The following NKX6-2 variants were observed in gnomAD, a reference collection of about 807,000 sequenced individuals.
NKX6-2 encodes the protein NK6 homeobox 2, also known as homeobox protein Nkx-6.2.
A neutral mutation model predicts 19.9 loss-of-function variants in NKX6-2; 22 were observed. The observed-to-expected ratio is 1.10, with a 90% CI of 0.79 to 1.58. The LOEUF (loss-of-function observed/expected upper bound fraction) is 1.58. Among genes scored for constraint, NKX6-2 ranks in the 40% most tolerant of loss-of-function variants. The pLI is 0.00. For synonymous variants in NKX6-2, 257 were observed against 204.0 expected (o/e 1.26, Z -2.21); for missense variants, 475 against 410.6 (o/e 1.16, Z -1.35).
chr10:132,785,411 G>GCTT lies in NKX6-2; in HGVS notation c.445_447dup (p.Lys149dup), dbSNP rs371783510. ...TGGCCCGAGAAGGTCGGGCGCGAGT[G>GCTT]CTTCTTCTTCCCGTCCTTGTCCAGG... is the stretch of plus-strand genomic sequence containing the variant. On this transcript the variant is annotated inframe_insertion, in exon 2 of 3. Transcript: ENST00000368592. The surrounding 1 kb of genome is among the most constrained non-coding windows in gnomAD (Gnocchi z 5.5). The GCTT allele has an allele frequency of 6.3e-7, 1 of 1,599,306 alleles. No homozygotes were observed. The highest frequency in any genetic ancestry group is 8.5e-7 in the Non-Finnish European group (1 of 1,174,842).
In NKX6-2 at chr10:132,784,606, C is replaced by A; in HGVS notation, c.*310G>T. The stretch of plus-strand genomic sequence containing the variant: ...TCCGTCCCGGGCTCCTGGCGGCTGT[C>A]GCTGCGGTTCCTTCCCGCGGGCCGG... On this transcript the variant is annotated 3_prime_UTR_variant, in exon 3 of 3. Coordinates refer to ENST00000368592, the MANE Select transcript of NKX6-2 (RefSeq NM_177400.3). The A allele has an allele frequency of 9.8e-6, 3 of 306,210 alleles. No individual in the cohort carries two copies. The highest frequency in any genetic ancestry group is 9.1e-4 in the Middle Eastern group (1 of 1,102). The allele number at this position is 306,210 out of a possible 1,614,324, so 19.0% of individuals were successfully genotyped here.
rs1447090832 is a variant in NKX6-2, at chr10:132,785,591, C to T, written c.358G>A (p.Gly120Ser). The T allele has an allele frequency of 1.3e-5, 16 of 1,264,518 alleles. No individual in the cohort carries two copies. Among genetic ancestry groups the T allele is most frequent in the Non-Finnish European group, 1.6e-5 (16 of 1,009,668 alleles). 78.3% of individuals were successfully genotyped at this position (1,264,518 alleles called of 1,614,324 possible). A position where few individuals can be genotyped will look rare whatever the true frequency, so the allele number is the denominator to read the frequency against. ...CTCCAGGGCGCGCCCTGCACCACGC[C>T]GGGCCAGAAGATGGGCGGGCGCCCC... ...LPGRPPIFWP[G>S]VVQGAPWRDP... The change falls in exon 1 of 3, where the codon GGC (glycine) becomes AGC (serine). Residue 120 changes from glycine to serine, a missense_variant. Gly to Ser is a moderately conservative substitution (Grantham distance 56). Transcript: ENST00000368592. The surrounding 1 kb of genome is among the most constrained non-coding windows in gnomAD (Gnocchi z 5.5).
rs1847234770 is a variant in NKX6-2, at chr10:132,785,064, C to T, written c.686G>A (p.Gly229Asp). 1.2e-6 allele frequency: 2 copies of T among 1,608,876 alleles called. No homozygotes were observed. The highest frequency in any genetic ancestry group is 1.7e-5 in the Admixed American group (1 of 59,996). ...TTCGTCGTCGTCCTCCGCGTCCGAGCCGCCCACCTTCAGCTTCTCGGCGTC... is the reference window on the plus strand; with the variant it reads ...TTCGTCGTCGTCCTCCGCGTCCGAGTCGCCCACCTTCAGCTTCTCGGCGTC... Reference protein sequence around the residue: ...DSDAEKLKVGGSDAEDDDEYN... With the variant: ...DSDAEKLKVGDSDAEDDDEYN... Residue 229 changes from glycine to aspartate, a missense_variant, in exon 3 of 3, where the codon GGC becomes GAC. Transcript: ENST00000368592. The surrounding 1 kb of genome is among the most constrained non-coding windows in gnomAD (Gnocchi z 5.5).
rs889062871 is a variant in NKX6-2, at chr10:132,783,478, A to G, written c.*1438T>C. 2.0e-5 allele frequency: 3 copies of G among 152,400 alleles called. No homozygotes were observed. The highest frequency in any genetic ancestry group is 4.8e-5 in the African/African-American group (2 of 41,428). The allele number at this position is 152,400 out of a possible 1,614,324, so 9.4% of individuals were successfully genotyped here. A position where few individuals can be genotyped will look rare whatever the true frequency, so the allele number is the denominator to read the frequency against. ...AGCAATAAAATTGACCGTGGTGAAA[A>G]TAGTCCCGTGTTGCTTTTTCTTCCT... On this transcript the variant is annotated 3_prime_UTR_variant, in exon 3 of 3. Transcript: ENST00000368592.
Position 132,784,206 on chromosome 10 carries a change from G to A in NKX6-2, c.*710C>T, listed in dbSNP as rs1847218033. 1 of 152,272 alleles carries A rather than the reference G, an allele frequency of 6.6e-6. No homozygotes were observed. The highest frequency in any genetic ancestry group is 1.5e-5 in the Non-Finnish European group (1 of 68,058). 9.4% of individuals were successfully genotyped at this position (152,272 alleles called of 1,614,324 possible). A position where few individuals can be genotyped will look rare whatever the true frequency, so the allele number is the denominator to read the frequency against. On this transcript the variant is annotated 3_prime_UTR_variant, in exon 3 of 3. Transcript: ENST00000368592. ...CCGCTCCGCGGGCGGAATTATTTCG[G>A]ATTTCTCTTTGCGGTCCTAGTTCGG...
In NKX6-2 at chr10:132,785,335, C is replaced by G. The variant is rs1416766413; in HGVS notation, c.524G>C (p.Gly175Ala). Residue 175 changes from glycine (G) to alanine (A), a missense_variant, in exon 2 of 3, where the codon GGC becomes GCC. Transcript: ENST00000368592. This position sits in a 1 kb window ranked among gnomAD's most constrained non-coding sequence, Gnocchi z 5.5. ...GTAGGCGAGACGCGCGCGCTCCGGG[C>G]CCGCCAGGTACTTGGTCTGCTCGAA... The part of the protein sequence containing the change: ...KTFEQTKYLA[G>A]PERARLAYSL... The G allele has an allele frequency of 1.2e-6, 2 of 1,606,566 alleles. No homozygotes were observed. Among genetic ancestry groups the G allele is most frequent in the Non-Finnish European group, 1.7e-6 (2 of 1,177,706 alleles).
rs1413674043 is a variant in NKX6-2, at chr10:132,784,006, C to G, written c.*910G>C. On this transcript the variant is annotated 3_prime_UTR_variant, in exon 3 of 3. Coordinates refer to ENST00000368592, the MANE Select transcript of NKX6-2 (RefSeq NM_177400.3). Reference sequence around the variant, plus strand: ...ATTAAGATGCAGCGATGGGCAGCCCCGGCCACAGAGGCTGCGGGAGGCTGG... The same window carrying G: ...ATTAAGATGCAGCGATGGGCAGCCCGGGCCACAGAGGCTGCGGGAGGCTGG... 6.6e-6 allele frequency: 1 copy of G among 152,258 alleles called. No individual in the cohort carries two copies. 9.4% of individuals were successfully genotyped at this position (152,258 alleles called of 1,614,324 possible). A position where few individuals can be genotyped will look rare whatever the true frequency, so the allele number is the denominator to read the frequency against.
rs3833716 is a variant in NKX6-2 at position 132,783,761 on chromosome 10, T to TCTGAG, written c.*1150_*1154dup. The TCTGAG allele has an allele frequency of 0.23, 35,571 of 151,972 alleles. 4,734 individuals carry two copies. Among genetic ancestry groups the TCTGAG allele is most frequent in the Admixed American group, 0.32 (4,815 of 15,264 alleles). 9.4% of individuals were successfully genotyped at this position (151,972 alleles called of 1,614,324 possible). A position where few individuals can be genotyped will look rare whatever the true frequency, so the allele number is the denominator to read the frequency against. ...TCAAAACTTTAAGAAGCCCCTCTGCTCTGAGCTGAGAGGGGCTCCCCACAG... is the reference window on the plus strand; with the variant it reads ...TCAAAACTTTAAGAAGCCCCTCTGCTCTGAGCTGAGCTGAGAGGGGCTCCCCACAG... On this transcript the variant is annotated 3_prime_UTR_variant, in exon 3 of 3. Transcript: ENST00000368592.
At position 132,785,084 on chromosome 10, in the gene NKX6-2, G is replaced by A. The variant is rs747167400; in HGVS notation, c.666C>T (p.Ala222=). The change falls in exon 3 of 3, where the codon GCC becomes GCT. Residue 222 remains alanine (A), a synonymous_variant. Coordinates refer to ENST00000368592, the MANE Select transcript of NKX6-2 (RefSeq NM_177400.3). This position sits in a 1 kb window ranked among gnomAD's most constrained non-coding sequence, Gnocchi z 5.5. ...CCGAGCCGCCCACCTTCAGCTTCTC[G>A]GCGTCCGAGTCCTGCTTCTTCTTGG... ...ASAKKKQDSD[A]EKLKVGGSDA... The A allele has an allele frequency of 5.7e-5, 92 of 1,610,314 alleles. 1 individual carries two copies. The Middle Eastern group carries it at 8.1e-3, about 142-fold the overall frequency.
At position 132,785,459 on chromosome 10, in the gene NKX6-2, G is replaced by A. The variant is rs981300506; in HGVS notation, c.407-7C>T. On this transcript the variant is annotated splice_region_variant and splice_polypyrimidine_tract_variant and intron_variant, in intron 1 of 2. Transcript: ENST00000368592. The surrounding 1 kb of genome is among the most constrained non-coding windows in gnomAD (Gnocchi z 5.5). The stretch of plus-strand genomic sequence containing the variant: ...AGGACGCCGCCGGCCGGGGCTGCAA[G>A]GGAGGGGAAGGGAGGGAGGTCAGCG... 2.6e-6 allele frequency: 4 copies of A among 1,549,318 alleles called. No homozygotes were observed. The highest frequency in any genetic ancestry group is 1.9e-5 in the Admixed American group (1 of 53,294).
Position 132,786,104 on chromosome 10 carries a change from G to A in NKX6-2, c.-156C>T, listed in dbSNP as rs1367525808. The A allele has an allele frequency of 3.4e-5, 5 of 145,122 alleles. No homozygotes were observed. Among genetic ancestry groups the A allele is most frequent in the South Asian group, 2.1e-4 (1 of 4,828 alleles). 9.0% of individuals were successfully genotyped at this position (145,122 alleles called of 1,614,324 possible). A position where few individuals can be genotyped will look rare whatever the true frequency, so the allele number is the denominator to read the frequency against. On this transcript the variant is annotated 5_prime_UTR_variant, in exon 1 of 3. Coordinates refer to ENST00000368592, the MANE Select transcript of NKX6-2 (RefSeq NM_177400.3). The stretch of plus-strand genomic sequence containing the variant: ...GGGCGGGCGGCTCCGGCGCGGGGCG[G>A]GCGGGCGGGCGGCGGCGGCGGCGGC...
Position 132,785,469 on chromosome 10 carries a change from G to C in NKX6-2, c.407-17C>G. 1.3e-6 allele frequency: 2 copies of C among 1,533,584 alleles called. No homozygotes were observed. The highest frequency in any genetic ancestry group is 1.8e-6 in the Non-Finnish European group (2 of 1,139,898). 95.0% of individuals were successfully genotyped at this position (1,533,584 alleles called of 1,614,324 possible). On this transcript the variant is annotated splice_polypyrimidine_tract_variant and intron_variant, in intron 1 of 2. Coordinates refer to ENST00000368592, the MANE Select transcript of NKX6-2 (RefSeq NM_177400.3). This position sits in a 1 kb window ranked among gnomAD's most constrained non-coding sequence, Gnocchi z 5.5. ...CGGCCGGGGCTGCAAGGGAGGGGAA[G>C]GGAGGGAGGTCAGCGGCCGGCGGGG...
chr10:132,785,406 C>T lies in NKX6-2; in HGVS notation c.453G>A (p.Ser151=). 6.3e-7 allele frequency: 1 copy of T among 1,599,908 alleles called. No homozygotes were observed. Among genetic ancestry groups the T allele is most frequent in the Admixed American group, 1.7e-5 (1 of 59,036 alleles). ...VLDKDGKKKH[S]RPTFSGQQIF... is the part of the protein sequence containing the mutation. ...TCTGCTGGCCCGAGAAGGTCGGGCG[C>T]GAGTGCTTCTTCTTCCCGTCCTTGT... Residue 151 remains serine (S), a synonymous_variant, in exon 2 of 3, where the codon TCG becomes TCA. Coordinates refer to ENST00000368592, the MANE Select transcript of NKX6-2 (RefSeq NM_177400.3). This position sits in a 1 kb window ranked among gnomAD's most constrained non-coding sequence, Gnocchi z 5.5.
At position 132,785,340 on chromosome 10, in the gene NKX6-2, C is replaced by T; in HGVS notation, c.519G>A (p.Leu173=). 6.2e-7 allele frequency: 1 copy of T among 1,607,040 alleles called. No homozygotes were observed. The highest frequency in any genetic ancestry group is 8.5e-7 in the Non-Finnish European group (1 of 1,177,846). The part of the protein sequence containing the change: ...LEKTFEQTKY[L]AGPERARLAY... ...CGAGACGCGCGCGCTCCGGGCCCGC[C>T]AGGTACTTGGTCTGCTCGAAGGTTT... Residue 173 remains leucine (L), a synonymous_variant, in exon 2 of 3, where the codon CTG becomes CTA. Coordinates refer to ENST00000368592, the MANE Select transcript of NKX6-2 (RefSeq NM_177400.3). This position sits in a 1 kb window ranked among gnomAD's most constrained non-coding sequence, Gnocchi z 5.5.
chr10:132,785,751 C>G lies in NKX6-2; in HGVS notation c.198G>C (p.Arg66=). Residue 66 remains arginine, a synonymous_variant, in exon 1 of 3, where the codon CGG becomes CGC. Coordinates refer to ENST00000368592, the MANE Select transcript of NKX6-2 (RefSeq NM_177400.3). This position sits in a 1 kb window ranked among gnomAD's most constrained non-coding sequence, Gnocchi z 5.5. ...GGCCCCCGCCCGCCGCGCCCACGGGCCGGCCCAGGATGTCGCTGATGCCGT... is the reference window on the plus strand; with the variant it reads ...GGCCCCCGCCCGCCGCGCCCACGGGGCGGCCCAGGATGTCGCTGATGCCGT... The part of the protein sequence containing the change: ...TPHGISDILG[R]PVGAAGGGLL... 1 of 1,244,040 alleles carries G rather than the reference C, an allele frequency of 8.0e-7. No homozygotes were observed. The highest frequency in any genetic ancestry group is 4.3e-5 in the Admixed American group (1 of 23,086). The allele number at this position is 1,244,040 out of a possible 1,614,324, so 77.1% of individuals were successfully genotyped here.
chr10:132,785,329 T>G lies in NKX6-2; in HGVS notation c.530A>C (p.Glu177Ala). 1 of 1,606,056 alleles carries G rather than the reference T, an allele frequency of 6.2e-7. No individual in the cohort carries two copies. The change falls in exon 2 of 3, where the codon GAG becomes GCG. Residue 177 changes from glutamate (E) to alanine (A), a missense_variant. Physicochemically the swap from Glu to Ala is moderately radical, Grantham distance 107 (BLOSUM62 -1). Transcript: ENST00000368592. The surrounding 1 kb of genome is among the most constrained non-coding windows in gnomAD (Gnocchi z 5.5). ...FEQTKYLAGP[E>A]RARLAYSLGM... Reference sequence around the variant, plus strand: ...CAGCGAGTAGGCGAGACGCGCGCGCTCCGGGCCCGCCAGGTACTTGGTCTG... The same window carrying G: ...CAGCGAGTAGGCGAGACGCGCGCGCGCCGGGCCCGCCAGGTACTTGGTCTG...
chr10:132,784,726 C>A lies in NKX6-2; in HGVS notation c.*190G>T. On this transcript the variant is annotated 3_prime_UTR_variant, in exon 3 of 3. Coordinates refer to ENST00000368592, the MANE Select transcript of NKX6-2 (RefSeq NM_177400.3). ...GGAGGACCCGAGGCGGGCGCAGGGG[C>A]GAAGCCGGGGCCGGGGAGGGGCCGC... 3.4e-6 allele frequency: 2 copies of A among 584,222 alleles called. No individual in the cohort carries two copies. The highest frequency in any genetic ancestry group is 5.9e-6 in the Non-Finnish European group (2 of 339,128). 36.2% of individuals were successfully genotyped at this position (584,222 alleles called of 1,614,324 possible).
chr10:132,784,491 G>A lies in NKX6-2; in HGVS notation c.*425C>T. The A allele has an allele frequency of 1.2e-5, 2 of 165,170 alleles. No individual in the cohort carries two copies. Among genetic ancestry groups the A allele is most frequent in the Non-Finnish European group, 1.3e-5 (1 of 77,178 alleles). The allele number at this position is 165,170 out of a possible 1,614,324, so 10.2% of individuals were successfully genotyped here. On this transcript the variant is annotated 3_prime_UTR_variant, in exon 3 of 3. Transcript: ENST00000368592. ...CGCGGGGACTCGAGGCGGGTACGCG[G>A]CTCACCCGCCCTTTCGGGAACCCCC...
Position 132,785,009 on chromosome 10 carries a change from G to C in NKX6-2, c.741C>G (p.Asp247Glu), listed in dbSNP as rs1814373423. The C allele has an allele frequency of 1.2e-6, 2 of 1,611,290 alleles. No homozygotes were observed. Among genetic ancestry groups the C allele is most frequent in the Non-Finnish European group, 1.7e-6 (2 of 1,178,304 alleles). The change falls in exon 3 of 3, where the codon GAC (aspartate) becomes GAG (glutamate). Residue 247 changes from aspartate (D) to glutamate (E), a missense_variant. Asp to Glu is a conservative substitution (Grantham distance 45). Transcript: ENST00000368592. The surrounding 1 kb of genome is among the most constrained non-coding windows in gnomAD (Gnocchi z 5.5). ...EYNRPLDPNS[D>E]DEKITRLLKK... The stretch of plus-strand genomic sequence containing the variant: ...TGAGCAGCCGCGTGATCTTCTCGTC[G>C]TCCGAGTTGGGGTCCAGGGGCCGGT...
Sources: allele counts gnomAD v4.1 joint callset, GRCh38; gene constraint gnomAD v4.1.1; non-coding constraint Gnocchi (gnomAD v3.1); transcripts MANE v1.5; gene names NCBI Gene and HGNC (gene_info 2026-07-23, HGNC 2026-07-21).